Variants in CLVS1 observed in about 807,000 individuals in gnomAD.
The protein encoded by CLVS1 is clavesin 1, also known as clavesin-1.
CLVS1 carries 10 observed loss-of-function variants against 33.1 expected under a neutral mutation model. The observed-to-expected ratio is 0.30, with a 90% CI of 0.19 to 0.51. The LOEUF is 0.51. CLVS1 is among the 20% of genes least tolerant of loss of function. The probability of loss-of-function intolerance (pLI) is 0.97; values close to 1 mark genes in which losing one functional copy is unlikely to be tolerated. For synonymous variants in CLVS1, 163 were observed against 166.1 expected, an observed-to-expected ratio of 0.98 and a Z score of 0.14; for missense variants, 343 against 433.4, an observed-to-expected ratio of 0.79 and a Z score of 1.85.
intron 2 of CLVS1, among the ~76,000 whole-genome samples, chr8:61,255,245 G>T (rs1185967167): frequency 6.6e-6 from 1 of 152,170 alleles, no homozygotes; most frequent in Non-Finnish European, 1.5e-5. Context: ...GAGTGTTGGG[G>T]TGAGTGCTTG....
At chr8:61,120,222 A>G (rs1230427661) in intron 1 of CLVS1, among the ~76,000 whole-genome samples, 237 of 144,946 alleles carry the variant, frequency 1.6e-3, no homozygotes, top group Non-Finnish European at 1.9e-3. Flanking sequence ...TTTCAGCTCC[A>G]TCAGCTCCTT....
intron 2 of CLVS1, among the ~76,000 whole-genome samples, chr8:61,209,306 A>G (rs1249450834): frequency 6.6e-6 from 1 of 152,212 alleles, no homozygotes. Context: ...TTGGCTGCCC[A>G]GGCTGAATTG....
At chr8:61,187,849 A>T (rs1278704441) in intron 2 of CLVS1, among the ~76,000 whole-genome samples, 1 of 149,596 alleles carries the variant, frequency 6.7e-6, no homozygotes, top group Non-Finnish European at 1.5e-5. Flanking sequence ...ATGTACACAC[A>T]TATATGTAAT....
At chr8:61,320,784 A>G (rs576261352) in intron 2 of CLVS1, among the ~76,000 whole-genome samples, 1 of 152,296 alleles carries the variant, frequency 6.6e-6, no homozygotes, top group South Asian at 2.1e-4. Context: ...CAAAGGCTCC[A>G]CCTTCTAATT....
chr8:60,995,972 T>C, the CLVS1 span, among the ~76,000 whole-genome samples: 1 of 151,478 alleles, frequency 6.6e-6, no homozygotes, highest in Non-Finnish European at 1.5e-5. Flanking sequence ...TGAGATCACA[T>C]GGACACAGGA....
rs139462184 is a variant in CLVS1 at position 61,060,561 on chromosome 8, C to G, written c.-243+3331C>G. Among the ~76,000 whole-genome samples the G allele has an allele frequency of 1.6e-3, 250 of 152,244 alleles. 1 individual carries two copies. The highest frequency in any genetic ancestry group is 5.7e-3 in the African/African-American group (237 of 41,532). On this transcript the variant is annotated intron_variant, in intron 1 of 2. Transcript: ENST00000522621. The stretch of plus-strand genomic sequence containing the variant: ...CACATTAACATGAACTGCACTTTAA[C>G]CCCTCAACCTGTGAAATGAGAACAG...
chr8:61,282,002 G>T (rs1415006351), intron 2 of CLVS1, among the ~76,000 whole-genome samples: 1 of 152,202 alleles, frequency 6.6e-6, no homozygotes, highest in Non-Finnish European at 1.5e-5. Context: ...GCCCATGGGT[G>T]TTTCATTATA....
At chr8:61,026,246 A>G in the CLVS1 span, among the ~76,000 whole-genome samples, 3 of 152,218 alleles carry the variant, frequency 2.0e-5, no homozygotes, top group Non-Finnish European at 4.4e-5. Flanking sequence ...GAGAAGACAC[A>G]GAAAGCAGAC....
intron 5 of CLVS1, among the ~76,000 whole-genome samples, chr8:61,466,253 C>T (rs983466813): frequency 6.6e-6 from 1 of 152,212 alleles, no homozygotes; most frequent in African/African-American, 2.4e-5. Context: ...CAGGAGACAT[C>T]TTGAAGACAG....
At chr8:61,103,736 A>T (rs958494794) in intron 1 of CLVS1, among the ~76,000 whole-genome samples, 7 of 152,242 alleles carry the variant, frequency 4.6e-5, no homozygotes, top group Non-Finnish European at 8.8e-5. Flanking sequence ...ATTAATCATC[A>T]TAAGAATTAG....
chr8:61,120,202 G>A lies in CLVS1; in HGVS notation c.-242-11568G>A, dbSNP rs1252993087. Among the ~76,000 whole-genome samples the A allele has an allele frequency of 4.1e-5, 6 of 145,014 alleles. No homozygotes were observed. The East Asian group carries it at 1.0e-3, about 25-fold the overall frequency. Reference sequence around the variant, plus strand: ...CTTCTGCATTCTTCACGTAGTTCTCGAGCCTTGGTTTTCAGCTCCATCAGC... The same window carrying A: ...CTTCTGCATTCTTCACGTAGTTCTCAAGCCTTGGTTTTCAGCTCCATCAGC... On this transcript the variant is annotated intron_variant, in intron 1 of 2. Coordinates refer to the CLVS1 transcript ENST00000522621.
In CLVS1 at chr8:61,273,555, C is replaced by G. The variant is rs1386194245; in HGVS notation, c.-151-26122C>G. On this transcript the variant is annotated intron_variant, in intron 2 of 2. Coordinates refer to the CLVS1 transcript ENST00000522621. ...TTCCCAGCTGCTTTGTTTACCTAAT[C>G]AAGCCCGGGCAATGGCGGGCGCCCC... Among the ~76,000 whole-genome samples the G allele has an allele frequency of 8.5e-5, 13 of 152,356 alleles. 1 individual carries two copies. In the East Asian group the frequency reaches 2.5e-3, roughly 29 times the overall value.
chr8:61,189,364 C>G (rs1266300992), intron 2 of CLVS1, among the ~76,000 whole-genome samples: 1 of 152,128 alleles, frequency 6.6e-6, no homozygotes, highest in African/African-American at 2.4e-5. Context: ...ACAAGAGCTC[C>G]TGAAGGAAGC....
intron 2 of CLVS1, among the ~76,000 whole-genome samples, chr8:61,176,907 G>A (rs1807122688): frequency 6.6e-6 from 1 of 152,178 alleles, no homozygotes; most frequent in African/African-American, 2.4e-5. Context: ...ATTCAGAACA[G>A]CCACTTGACT....
At chr8:61,228,421 T>C (rs1808372995) in intron 2 of CLVS1, among the ~76,000 whole-genome samples, 1 of 152,204 alleles carries the variant, frequency 6.6e-6, no homozygotes, top group Non-Finnish European at 1.5e-5. Flanking sequence ...CCTCATAAGC[T>C]GAATATGTAA....
intron 5 of CLVS1, 30 bp downstream of exon 5, chr8:61,458,572 C>CA (rs1044225094): frequency 7.0e-7 from 1 of 1,426,074 alleles, no homozygotes; most frequent in Non-Finnish European, 9.4e-7. Flanking sequence ...AGCCCCCCCC[C>CA]CAGTCAGAGG....
intron 1 of CLVS1, among the ~76,000 whole-genome samples, chr8:61,125,966 T>TG (rs575658839): frequency 2.7e-4 from 41 of 151,890 alleles, no homozygotes; most frequent in African/African-American, 9.9e-4. Flanking sequence ...TAAGGACATT[T>TG]TTTTTTTTCT....
intron 1 of CLVS1, among the ~76,000 whole-genome samples, chr8:61,293,082 T>A (rs1050484081): frequency 1.3e-5 from 2 of 152,172 alleles, no homozygotes; most frequent in Non-Finnish European, 2.9e-5. Context: ...TCTTTGCTGT[T>A]TTAAAGGGAG....
intron 2 of CLVS1, among the ~76,000 whole-genome samples, chr8:61,339,244 C>T (rs78742172): frequency 0.025 from 3,821 of 152,160 alleles, 73 homozygotes; most frequent in Admixed American, 0.043. Flanking sequence ...AACACATATC[C>T]GACCCCTTGC....
Sources: allele counts gnomAD v4.1 joint callset (sites outside exome capture counted in the v4.1 genomes callset), GRCh38; gene constraint gnomAD v4.1.1; transcripts MANE v1.5; gene names NCBI Gene and HGNC (gene_info 2026-07-23, HGNC 2026-07-21).